MYO9A: variants seen among roughly 807,000 people sequenced by gnomAD.
MYO9A encodes myosin IXA, also known as unconventional myosin-IXa.
A neutral mutation model predicts 293.3 loss-of-function variants in MYO9A; 103 were observed. The ratio of observed to expected loss-of-function variants is 0.35; its 90% CI spans 0.30 to 0.41. The LOEUF (loss-of-function observed/expected upper bound fraction) is 0.41, where lower values mean the gene tolerates loss of function less well. Ranked by LOEUF, MYO9A falls within the 10% of genes least tolerant of loss-of-function variation. The pLI is 1.00. For missense variants in MYO9A, 2,685 were observed against 3,033.0 expected (o/e 0.89, Z 2.69); for synonymous variants, 1,001 against 1,035.7 (o/e 0.97, Z 0.64).
At chr15:72,005,734 G>A (rs2076997480) in intron 8 of MYO9A, among the ~76,000 whole-genome samples, 1 of 152,166 alleles carries the variant, frequency 6.6e-6, no homozygotes, top group Non-Finnish European at 1.5e-5. Context: ...TAAGAAAGAG[G>A]TATCTATTGC....
chr15:72,063,249 T>C (rs1201129668), intron 1 of MYO9A, among the ~76,000 whole-genome samples: 1 of 152,102 alleles, frequency 6.6e-6, no homozygotes. Flanking sequence ...AAATCAAAAT[T>C]AGAATGGATT....
At chr15:71,998,516 A>C (rs2076766181) in intron 9 of MYO9A, among the ~76,000 whole-genome samples, 1 of 152,004 alleles carries the variant, frequency 6.6e-6, no homozygotes, top group African/African-American at 2.4e-5. Context: ...TATTTTATAT[A>C]AAAGAAATAT....
In MYO9A at chr15:71,883,562, G is replaced by A; in HGVS notation, c.5398+32C>T. ...TTCAGAAAGAGTGAACAGAAATTATGAACACAAGTTCCACCCTTTGGTCAC... is the reference window on the plus strand; with the variant it reads ...TTCAGAAAGAGTGAACAGAAATTATAAACACAAGTTCCACCCTTTGGTCAC... On this transcript the variant is annotated intron_variant, in intron 28 of 41. Transcript: ENST00000356056. 2.5e-6 allele frequency: 4 copies of A among 1,589,706 alleles called. No individual in the cohort carries two copies. In the South Asian group the frequency reaches 3.5e-5, roughly 14 times the overall value.
intron 25 of MYO9A, 41 bp from the exon 26 acceptor site, chr15:71,893,819 G>A (rs2057247118): frequency 1.3e-6 from 2 of 1,514,292 alleles, no homozygotes; most frequent in African/African-American, 2.7e-5. Context: ...GTTCTTAGCA[G>A]ATATCCCATG....
intron 18 of MYO9A, among the ~76,000 whole-genome samples, chr15:71,923,256 C>T (rs2058203721): frequency 6.6e-6 from 1 of 152,152 alleles, no homozygotes. Flanking sequence ...TTTTAATGTG[C>T]TATTGAATTT....
At chr15:72,002,014 T>C (rs1332011603) in intron 8 of MYO9A, among the ~76,000 whole-genome samples, 2 of 152,182 alleles carry the variant, frequency 1.3e-5, no homozygotes, top group African/African-American at 2.4e-5. Context: ...CTCACACCTA[T>C]AATCCCAAGG....
Position 72,044,552 on chromosome 15 carries a change from C to G in MYO9A, c.840+1172G>C, listed in dbSNP as rs187422054. Among the ~76,000 whole-genome samples the G allele has an allele frequency of 1.2e-3, 184 of 152,312 alleles. 1 individual carries two copies. Among genetic ancestry groups the G allele is most frequent in the African/African-American group, 4.0e-3 (165 of 41,570 alleles). ...CCAACATCTCTCCAATCCTCACAGC[C>G]TTTAGTAACTACCACTTTGCTCTGT... On this transcript the variant is annotated intron_variant, in intron 2 of 41. Transcript: ENST00000356056.
chr15:71,975,456 T>C (rs902567071), intron 12 of MYO9A, among the ~76,000 whole-genome samples: 4 of 149,682 alleles, frequency 2.7e-5, no homozygotes, highest in Admixed American at 1.3e-4. Flanking sequence ...TCCTGACTTA[T>C]TAACTACCAC....
chr15:72,080,806 A>G (rs1314962781), intron 1 of MYO9A, among the ~76,000 whole-genome samples: 1 of 152,092 alleles, frequency 6.6e-6, no homozygotes, highest in Non-Finnish European at 1.5e-5. Context: ...GAGTAAGAAC[A>G]TGTGGTATTT....
chr15:71,874,469 C>T (rs961131863), intron 32 of MYO9A, among the ~76,000 whole-genome samples: 5 of 152,126 alleles, frequency 3.3e-5, no homozygotes, highest in African/African-American at 7.2e-5. Context: ...GAGGCAGTCA[C>T]GCTCAAGATC....
chr15:72,026,297 G>GAAAAAAA (rs1365923873), intron 4 of MYO9A, among the ~76,000 whole-genome samples: 1 of 108,556 alleles, frequency 9.2e-6, no homozygotes, highest in Non-Finnish European at 1.8e-5. Context: ...AAAAAAAAAA[G>GAAAAAAA]AAAGAAAAGA....
At chr15:72,106,011 A>G (rs1056215090) in intron 1 of MYO9A, among the ~76,000 whole-genome samples, 1 of 152,042 alleles carries the variant, frequency 6.6e-6, no homozygotes, top group African/African-American at 2.4e-5. Flanking sequence ...CAGTAAGTGG[A>G]AAAAAAAGAA....
intron 27 of MYO9A, among the ~76,000 whole-genome samples, chr15:71,887,291 G>C (rs1163378436): frequency 6.6e-6 from 1 of 152,100 alleles, no homozygotes; most frequent in Non-Finnish European, 1.5e-5. Context: ...ATACTGAAGG[G>C]AACCAGTATG....
Position 71,899,601 on chromosome 15 carries a change from A to G in MYO9A, c.3470+86T>C. The G allele has an allele frequency of 3.4e-6, 4 of 1,188,708 alleles. No individual in the cohort carries two copies. The South Asian group carries it at 4.6e-5, about 14-fold the overall frequency. The allele number at this position is 1,188,708 out of a possible 1,614,324, so 73.6% of individuals were successfully genotyped here. A position where few individuals can be genotyped will look rare whatever the true frequency, so the allele number is the denominator to read the frequency against. On this transcript the variant is annotated intron_variant, in intron 24 of 41. Transcript: ENST00000356056. ...CAAATTGTATACAACCAATTCTAAT[A>G]CAAATTAGACAAGTGTTAATGCAGA...
intron 7 of MYO9A, among the ~76,000 whole-genome samples, chr15:72,008,493 T>C (rs1436104989): frequency 2.7e-5 from 4 of 149,798 alleles, no homozygotes; most frequent in Admixed American, 2.0e-4. Context: ...TAAATGGGTG[T>C]GTGTGTGTGT....
At chr15:71,936,298 TTA>T (rs1404874213) in intron 16 of MYO9A, among the ~76,000 whole-genome samples, 1 of 152,094 alleles carries the variant, frequency 6.6e-6, no homozygotes, top group Non-Finnish European at 1.5e-5. Context: ...AGAGCAGTGA[TTA>T]CCAGAGACTG....
intron 13 of MYO9A, among the ~76,000 whole-genome samples, chr15:71,966,156 C>T (rs1393342630): frequency 7.2e-5 from 11 of 152,082 alleles, no homozygotes; most frequent in African/African-American, 2.7e-4. Context: ...GGATTACAGG[C>T]GTGAGCCACC....
intron 2 of MYO9A, among the ~76,000 whole-genome samples, chr15:72,042,574 A>C (rs1036559543): frequency 3.9e-5 from 6 of 152,094 alleles, no homozygotes; most frequent in African/African-American, 1.4e-4. Context: ...CTAAAGACTA[A>C]ATGTTTTCCC....
rs778367652 is a variant in MYO9A at position 71,826,904 on chromosome 15, C to T, written c.7323G>A (p.Thr2441=). Residue 2441 remains threonine, a synonymous_variant, in exon 42 of 42, where the codon ACG becomes ACA. Coordinates refer to ENST00000356056, the MANE Select transcript of MYO9A (RefSeq NM_006901.4). Reference sequence around the variant, plus strand: ...GTTTTCTGGTCCCATGAGATGATGCCGTGTTAGACAGACATAAAGAGGAGA... The same window carrying T: ...GTTTTCTGGTCCCATGAGATGATGCTGTGTTAGACAGACATAAAGAGGAGA... ...SSVSSLCLSN[T]ASSHGTRKLF... is the part of the protein sequence containing the mutation. 12 of 1,613,892 alleles carry T rather than the reference C, an allele frequency of 7.4e-6. No homozygotes were observed. Among genetic ancestry groups the T allele is most frequent in the Admixed American group, 5.0e-5 (3 of 59,976 alleles).
Sources: allele counts gnomAD v4.1 joint callset (sites outside exome capture counted in the v4.1 genomes callset), GRCh38; gene constraint gnomAD v4.1.1; transcripts MANE v1.5; gene names NCBI Gene and HGNC (gene_info 2026-07-23, HGNC 2026-07-21).